The following PAH variants were observed in gnomAD, a reference collection of about 807,000 sequenced individuals.
PAH encodes the protein phenylalanine hydroxylase, also known as phenylalanine-4-hydroxylase.
PAH carries 64 observed loss-of-function variants against 62.0 expected under a neutral mutation model. The observed-to-expected ratio is 1.03, with a 90% CI of 0.84 to 1.27. The LOEUF is 1.27. Among genes scored for constraint, PAH ranks in the 50% most tolerant of loss-of-function variants. The pLI is 0.00. For missense variants in PAH, 579 were observed against 542.8 expected, an observed-to-expected ratio of 1.07 and a Z score of -0.66; for synonymous variants, 195 against 196.2, an observed-to-expected ratio of 0.99 and a Z score of 0.05.
chr12:102,901,187 C>T (rs892254015), intron 2 of PAH, among the ~76,000 whole-genome samples: 1 of 152,136 alleles, frequency 6.6e-6, no homozygotes, highest in African/African-American at 2.4e-5. Context: ...CTTCTTTTGA[C>T]TGCATACTGG....
intron 4 of PAH, among the ~76,000 whole-genome samples, chr12:102,867,628 A>G (rs370479113): frequency 1.3e-3 from 201 of 152,172 alleles, no homozygotes; most frequent in African/African-American, 4.7e-3. Flanking sequence ...TTAGCTCACA[A>G]TTTCTCTGCT....
upstream of PAH, among the ~76,000 whole-genome samples, chr12:102,919,053 C>G (rs1878490243): frequency 6.6e-6 from 1 of 152,152 alleles, no homozygotes; most frequent in African/African-American, 2.4e-5. Flanking sequence ...TGCATGGTTT[C>G]ACTTCTTCCT....
chr12:102,888,922 G>A (rs1216284977), intron 3 of PAH, among the ~76,000 whole-genome samples: 1 of 152,074 alleles, frequency 6.6e-6, no homozygotes, highest in Non-Finnish European at 1.5e-5. Flanking sequence ...CACATGGAAT[G>A]CACAAAGTGA....
intron 1 of PAH, chr12:102,915,186 C>A (rs1878337194): frequency 6.6e-6 from 1 of 152,174 alleles, no homozygotes; most frequent in Non-Finnish European, 1.5e-5. Flanking sequence ...TCTTTTGGGT[C>A]TCAATTCTCT....
At chr12:102,877,702 A>G (rs1203188105) in intron 3 of PAH, 152 bp from the exon 4 acceptor site, 11 of 701,748 alleles carry the variant, frequency 1.6e-5, no homozygotes, top group Admixed American at 4.1e-5. Context: ...CAAAAGTTAA[A>G]CTCCATTTTC....
chr12:102,888,697 T>G (rs980045599), intron 3 of PAH, among the ~76,000 whole-genome samples: 1 of 151,834 alleles, frequency 6.6e-6, no homozygotes, highest in Non-Finnish European at 1.5e-5. Flanking sequence ...CTGAATGGGC[T>G]GATCCTCTCA....
At chr12:102,925,289 C>T (rs576048104) in intron 1 of PAH, among the ~76,000 whole-genome samples, 2 of 152,134 alleles carry the variant, frequency 1.3e-5, no homozygotes, top group Admixed American at 6.6e-5. Flanking sequence ...AGCCATATTG[C>T]ATTATAAGGT....
chr12:102,907,815 C>T (rs1047197655), intron 2 of PAH, among the ~76,000 whole-genome samples: 1 of 152,052 alleles, frequency 6.6e-6, no homozygotes, highest in Non-Finnish European at 1.5e-5. Flanking sequence ...GATGGGGATT[C>T]GCCATTTTGG....
intron 4 of PAH, among the ~76,000 whole-genome samples, chr12:102,871,464 A>G (rs1042213761): frequency 6.6e-6 from 1 of 151,838 alleles, no homozygotes; most frequent in African/African-American, 2.4e-5. Flanking sequence ...GTCTTCCTGG[A>G]TTTTTCCAAA....
rs74603784 is a variant in PAH at position 102,912,823 on chromosome 12, C to T, written c.136G>A (p.Gly46Ser). 4.5e-5 allele frequency: 72 copies of T among 1,613,436 alleles called. No homozygotes were observed. Among genetic ancestry groups the T allele is most frequent in the Non-Finnish European group, 5.6e-5 (66 of 1,179,578 alleles). The change falls in exon 2 of 13, where the codon GGT becomes AGT. Residue 46 changes from glycine to serine, a missense_variant. Physicochemically the swap from Gly to Ser is moderately conservative, Grantham distance 56 (BLOSUM62 0). Transcript: ENST00000553106. ...AAGCGCAATACTTTGGCCAATGCAC[C>T]AACTTCTTCTTTGAGTGAGAAGATC... ...SLIFSLKEEVGALAKVLRLFE... is the reference protein window; with the variant it reads ...SLIFSLKEEVSALAKVLRLFE...
intron 1 of PAH, chr12:102,950,571 T>TG (rs903529042): frequency 6.6e-6 from 1 of 152,274 alleles, no homozygotes; most frequent in Non-Finnish European, 1.5e-5. Context: ...GGCCACACAA[T>TG]GGGGACACAC....
chr12:102,844,177 T>C (rs544080393), intron 10 of PAH, among the ~76,000 whole-genome samples, 159 bp downstream of exon 10: 4 of 152,216 alleles, frequency 2.6e-5, no homozygotes, highest in African/African-American at 9.6e-5. Context: ...ACAGCCATCA[T>C]CAAATCATAG....
At chr12:102,908,800 CAT>C (rs1878085247) in intron 2 of PAH, among the ~76,000 whole-genome samples, 1 of 150,874 alleles carries the variant, frequency 6.6e-6, no homozygotes, top group African/African-American at 2.4e-5. Flanking sequence ...TCTAGGATCC[CAT>C]TCAAAATACC....
upstream of PAH, among the ~76,000 whole-genome samples, chr12:102,954,771 C>G (rs1159350290): frequency 6.6e-6 from 1 of 152,136 alleles, no homozygotes; most frequent in African/African-American, 2.4e-5. Context: ...GTGAAAACAA[C>G]CAGAAAGCCA....
At chr12:102,936,349 T>C (rs922558727) in intron 1 of PAH, among the ~76,000 whole-genome samples, 2 of 152,220 alleles carry the variant, frequency 1.3e-5, no homozygotes, top group African/African-American at 4.8e-5. Flanking sequence ...GAATAATGTA[T>C]ATTCTGCAGC....
At chr12:102,932,296 C>G (rs1878909647) in intron 1 of PAH, among the ~76,000 whole-genome samples, 1 of 152,196 alleles carries the variant, frequency 6.6e-6, no homozygotes, top group Non-Finnish European at 1.5e-5. Flanking sequence ...AAGGAAATGG[C>G]ACAAGACTTT....
chr12:102,893,951 G>T (rs1877385664), intron 3 of PAH, among the ~76,000 whole-genome samples: 1 of 152,302 alleles, frequency 6.6e-6, no homozygotes, highest in East Asian at 1.9e-4. Flanking sequence ...GATTGTATGA[G>T]AAGAAGAGAC....
At chr12:102,939,910 G>T (rs770242323) in intron 1 of PAH, among the ~76,000 whole-genome samples, 1 of 152,138 alleles carries the variant, frequency 6.6e-6, no homozygotes, top group Non-Finnish European at 1.5e-5. Flanking sequence ...TCTGTGGCCA[G>T]CACTTGACTG....
At chr12:102,949,057 G>T (rs1848708471) in intron 1 of PAH, among the ~76,000 whole-genome samples, 1 of 152,062 alleles carries the variant, frequency 6.6e-6, no homozygotes, top group Non-Finnish European at 1.5e-5. Flanking sequence ...CACACAACTC[G>T]CAGAAATTAC....
Sources: allele counts gnomAD v4.1 joint callset (sites outside exome capture counted in the v4.1 genomes callset), GRCh38; gene constraint gnomAD v4.1.1; transcripts MANE v1.5; gene names NCBI Gene and HGNC (gene_info 2026-07-23, HGNC 2026-07-21).